The following SEMA3D variants were observed in gnomAD, a reference collection of about 807,000 sequenced individuals.
SEMA3D encodes semaphorin 3D.
In SEMA3D, 84 loss-of-function variants were observed where a neutral mutation model predicts 100.1. The observed-to-expected ratio is 0.84, with a 90% CI of 0.70 to 1.01. The LOEUF is 1.01. SEMA3D is among the 50% of genes least tolerant of loss of function. The probability of loss-of-function intolerance (pLI) is 0.00; values close to 1 mark genes in which losing one functional copy is unlikely to be tolerated. For missense variants in SEMA3D, 875 were observed against 934.1 expected, an observed-to-expected ratio of 0.94 and a Z score of 0.82; for synonymous variants, 312 against 320.7, an observed-to-expected ratio of 0.97 and a Z score of 0.29.
chr7:85,191,396 A>C (rs1372995896), upstream of SEMA3D, among the ~76,000 whole-genome samples: 2 of 152,132 alleles, frequency 1.3e-5, no homozygotes, highest in Non-Finnish European at 2.9e-5. Context: ...CAATATAAAA[A>C]ATCATCTTTA....
At chr7:85,116,604 G>C (rs1350310210) in intron 3 of SEMA3D, among the ~76,000 whole-genome samples, 1 of 151,624 alleles carries the variant, frequency 6.6e-6, no homozygotes, top group African/African-American at 2.4e-5. Context: ...TTGGTAAACA[G>C]AATTTTGTTT....
At chr7:85,183,351 A>T (rs1791451732) in intron 1 of SEMA3D, among the ~76,000 whole-genome samples, 1 of 152,212 alleles carries the variant, frequency 6.6e-6, no homozygotes, top group Non-Finnish European at 1.5e-5. Flanking sequence ...AATTAATTTA[A>T]CTTCAACCCC....
intron 4 of SEMA3D, among the ~76,000 whole-genome samples, chr7:85,092,730 A>G (rs1788433945): frequency 6.6e-6 from 1 of 152,092 alleles, no homozygotes. Context: ...ACTCTTTCTT[A>G]TCAATGTCAC....
rs1584000291 is a variant in SEMA3D at position 85,186,927 on chromosome 7, G to A, written c.-422C>T. The A allele has an allele frequency of 6.5e-6, 1 of 152,782 alleles. No homozygotes were observed. The highest frequency in any genetic ancestry group is 2.4e-5 in the African/African-American group (1 of 41,454). The allele number at this position is 152,782 out of a possible 1,614,324, so 9.5% of individuals were successfully genotyped here. A position where few individuals can be genotyped will look rare whatever the true frequency, so the allele number is the denominator to read the frequency against. On this transcript the variant is annotated 5_prime_UTR_variant, in exon 1 of 19. Coordinates refer to ENST00000284136, the MANE Select transcript of SEMA3D (RefSeq NM_001384900.1). ...CCCGAGAGCCGCGCTAGGACAGGCG[G>A]AGAGCAAGGCACCAGCTGGAGCTTT... is the stretch of plus-strand genomic sequence containing the variant.
intron 1 of SEMA3D, among the ~76,000 whole-genome samples, chr7:85,184,416 T>A (rs192879559): frequency 1.5e-3 from 223 of 152,304 alleles, no homozygotes; most frequent in Non-Finnish European, 2.3e-3. Flanking sequence ...AATTTTTTTT[T>A]AAGAATTACG....
chr7:85,220,256 C>A, the SEMA3D span, among the ~76,000 whole-genome samples: 321 of 151,022 alleles, frequency 2.1e-3, 1 homozygote, highest in African/African-American at 7.6e-3. Flanking sequence ...GGTTTGGTTT[C>A]TTGGGCTATG....
chr7:85,149,412 C>T (rs577847275), intron 2 of SEMA3D, among the ~76,000 whole-genome samples: 2 of 152,208 alleles, frequency 1.3e-5, no homozygotes, highest in African/African-American at 4.8e-5. Flanking sequence ...CGTGTCACTG[C>T]GTTCCAGCCT....
intron 2 of SEMA3D, chr7:85,142,279 A>G (rs1399932562): frequency 4.1e-6 from 4 of 980,626 alleles, no homozygotes; most frequent in Non-Finnish European, 4.8e-6. Context: ...ATCTAGTAAA[A>G]CACTGAGAAA....
chr7:85,066,114 A>T (rs1189100177), intron 7 of SEMA3D, among the ~76,000 whole-genome samples: 4 of 152,176 alleles, frequency 2.6e-5, no homozygotes, highest in Non-Finnish European at 5.9e-5. Flanking sequence ...GATAAACAGG[A>T]ATTCTTGAAA....
chr7:85,191,512 T>C (rs1286667926), upstream of SEMA3D, among the ~76,000 whole-genome samples: 2 of 152,168 alleles, frequency 1.3e-5, no homozygotes, highest in Non-Finnish European at 2.9e-5. Context: ...AGGGAATTCC[T>C]GTGATACCCA....
intron 4 of SEMA3D, among the ~76,000 whole-genome samples, chr7:85,086,754 A>C (rs1788228945): frequency 6.6e-6 from 1 of 151,886 alleles, no homozygotes; most frequent in Admixed American, 6.6e-5. Flanking sequence ...TGTCAACTAT[A>C]GGGTCATTGG....
chr7:85,034,540 GA>G (rs1790637059), intron 12 of SEMA3D, among the ~76,000 whole-genome samples: 1 of 152,124 alleles, frequency 6.6e-6, no homozygotes, highest in South Asian at 2.1e-4. Flanking sequence ...TCGGGAGGCA[GA>G]GGTTGCAGTG....
chr7:85,142,435 AATTT>A, intron 2 of SEMA3D: 2 of 940,492 alleles, frequency 2.1e-6, no homozygotes, highest in South Asian at 9.9e-5. Context: ...AAGATGTCAT[AATTT>A]ATTTATAAAA....
chr7:85,108,306 A>C (rs1041187634), intron 3 of SEMA3D, among the ~76,000 whole-genome samples: 1 of 152,044 alleles, frequency 6.6e-6, no homozygotes, highest in Non-Finnish European at 1.5e-5. Context: ...GCCTTGGTTT[A>C]TCTACCTTTG....
the SEMA3D span, among the ~76,000 whole-genome samples, chr7:85,238,286 A>C: frequency 3.3e-5 from 5 of 152,116 alleles, no homozygotes; most frequent in African/African-American, 1.2e-4. Flanking sequence ...TGCCATACCC[A>C]ATGTCACCTA....
chr7:85,035,365 T>C (rs1584539496), intron 12 of SEMA3D, among the ~76,000 whole-genome samples: 1 of 152,024 alleles, frequency 6.6e-6, no homozygotes, highest in East Asian at 1.9e-4. Flanking sequence ...GATGTGTGTA[T>C]GTGTATATAT....
intron 11 of SEMA3D, among the ~76,000 whole-genome samples, chr7:85,039,969 C>CTTTTTTTTTTTT (rs776990536): frequency 1.1e-5 from 1 of 90,628 alleles, no homozygotes; most frequent in African/African-American, 5.0e-5. Context: ...TACGCAAACA[C>CTTTTTTTTTTTT]TTTTTTTTTT....
chr7:85,210,962 A>G, the SEMA3D span, among the ~76,000 whole-genome samples: 1 of 152,064 alleles, frequency 6.6e-6, no homozygotes, highest in African/African-American at 2.4e-5. Flanking sequence ...GACAGACAAT[A>G]TTGTAGATGC....
intron 2 of SEMA3D, among the ~76,000 whole-genome samples, chr7:85,124,623 C>T (rs1348661023): frequency 6.6e-6 from 1 of 152,040 alleles, no homozygotes; most frequent in Non-Finnish European, 1.5e-5. Context: ...AGTATACTTT[C>T]ATGGAGGACA....
Sources: gnomAD v4.1 joint callset for allele counts (sites outside exome capture counted in the v4.1 genomes callset) on GRCh38, gnomAD v4.1.1 for gene constraint, MANE v1.5 for transcripts, NCBI Gene and HGNC (gene_info 2026-07-23, HGNC 2026-07-21) for gene names.